TLN1: variants seen among roughly 807,000 people sequenced by gnomAD.
TLN1 encodes talin 1, also known as talin-1.
Under a neutral mutation model 292.3 loss-of-function variants are expected in TLN1, and 56 were observed. The ratio of observed to expected loss-of-function variants is 0.19; its 90% CI spans 0.15 to 0.24. The LOEUF is 0.24. TLN1 is among the 10% of genes least tolerant of loss of function. The probability of loss-of-function intolerance (pLI) is 1.00; values close to 1 mark genes in which losing one functional copy is unlikely to be tolerated. For missense variants in TLN1, 2,433 were observed against 3,248.2 expected (o/e 0.75, Z 6.10); for synonymous variants, 1,119 against 1,253.7 (o/e 0.89, Z 2.27).
chr9:35,721,934 T>C, intron 9 of TLN1, 131 bp from the exon 10 acceptor site: 1 of 1,305,766 alleles, frequency 7.7e-7, no homozygotes, highest in Non-Finnish European at 1.1e-6. Flanking sequence ...AAATGCAGGG[T>C]AGGGAGGGAA....
chr9:35,708,296 T>C (rs1228743248), intron 34 of TLN1, 45 bp downstream of exon 34: 1 of 1,547,828 alleles, frequency 6.5e-7, no homozygotes, highest in African/African-American at 1.4e-5. Context: ...GGGGTCGGTC[T>C]GCCCTTTCCC....
At position 35,699,110 on chromosome 9, in the gene TLN1, A is replaced by C; in HGVS notation, c.6921T>G (p.Asn2307Lys). The change falls in exon 52 of 57, where the codon AAT becomes AAG. Residue 2307 changes from asparagine to lysine, a missense_variant. Transcript: ENST00000314888. The surrounding 1 kb of genome is among the most constrained non-coding windows in gnomAD (Gnocchi z 4.0). ...TGGCGGCTGCAGCTCCCAGGAGCTCATTCTCAGCAATGACTGTGGGGTCCT... is the reference window on the plus strand; with the variant it reads ...TGGCGGCTGCAGCTCCCAGGAGCTCCTTCTCAGCAATGACTGTGGGGTCCT... ...DPEDPTVIAE[N>K]ELLGAAAAIE... The C allele has an allele frequency of 5.0e-6, 8 of 1,613,888 alleles. No homozygotes were observed. The highest frequency in any genetic ancestry group is 6.8e-6 in the Non-Finnish European group (8 of 1,179,890).
intron 1 of TLN1, among the ~76,000 whole-genome samples, chr9:35,730,334 G>C (rs1372057788): frequency 6.6e-6 from 1 of 152,106 alleles, no homozygotes; most frequent in Non-Finnish European, 1.5e-5. Context: ...GTCAGGCTGG[G>C]AGTGAAGTGG....
rs1236762368 is a variant in TLN1 at position 35,722,164 on chromosome 9, T to C, written c.903A>G (p.Leu301=). ...CACCGTAAGTCTTGAGAGAACGGGC[T>C]AGCTTCACGTAGCGGACCTTGGCCT... is the stretch of plus-strand genomic sequence containing the variant. ...EIEAKVRYVK[L]ARSLKTYGVS... Residue 301 remains leucine, a synonymous_variant, in exon 9 of 57, where the codon CTA becomes CTG. Transcript: ENST00000314888. 1.9e-6 allele frequency: 3 copies of C among 1,614,240 alleles called. No individual in the cohort carries two copies. The Admixed American group carries it at 5.0e-5, about 27-fold the overall frequency.
At chr9:35,726,152 T>C (rs1360844486) in intron 1 of TLN1, among the ~76,000 whole-genome samples, 1 of 152,184 alleles carries the variant, frequency 6.6e-6, no homozygotes, top group Non-Finnish European at 1.5e-5. Flanking sequence ...GACCTCGTGA[T>C]CCACCTTGGC....
At position 35,729,389 on chromosome 9, in the gene TLN1, C is replaced by T. The variant is rs542135538; in HGVS notation, c.-34+2686G>A. On this transcript the variant is annotated intron_variant, in intron 1 of 56. Transcript: ENST00000314888. ...GAAGTGAGCAGGCAGGCTGTTGAAG[C>T]ACAGGGGTACCTGCAAGGGAGCAGT... Among the ~76,000 whole-genome samples the T allele has an allele frequency of 1.5e-4, 23 of 152,262 alleles. 1 individual carries two copies. In the South Asian group the frequency reaches 4.8e-3, roughly 32 times the overall value.
rs761589467 is a variant in TLN1, at chr9:35,722,198, C to T, written c.869G>A (p.Ser290Asn). Reference sequence around the variant, plus strand: ...GTAGCGGACCTTGGCCTCAATCTCACTCATCTGCCCACAATTCTTGTGTGC... The same window carrying T: ...GTAGCGGACCTTGGCCTCAATCTCATTCATCTGCCCACAATTCTTGTGTGC... ...FQAHKNCGQM[S>N]EIEAKVRYVK... Residue 290 changes from serine (S) to asparagine (N), a missense_variant, in exon 9 of 57, where the codon AGT (serine) becomes AAT (asparagine). Transcript: ENST00000314888. The T allele has an allele frequency of 1.9e-6, 3 of 1,614,236 alleles. No individual in the cohort carries two copies. In the South Asian group the frequency reaches 3.3e-5, roughly 18 times the overall value.
Position 35,724,333 on chromosome 9 carries a change from C to G in TLN1, c.513G>C (p.Leu171Phe). Residue 171 changes from leucine to phenylalanine, a missense_variant and splice_region_variant, in exon 6 of 57, where the codon TTG becomes TTC. Leu to Phe is a conservative substitution (Grantham distance 22, BLOSUM62 0). Coordinates refer to ENST00000314888, the MANE Select transcript of TLN1 (RefSeq NM_006289.4). The surrounding 1 kb of genome is among the most constrained non-coding windows in gnomAD (Gnocchi z 4.7). ...GTGTCCGACCATGGTCCAGCCAGTT[C>G]ACTGGGATACAGACAGTCCCCTCAG... ...LKQKLHTDDE[L>F]NWLDHGRTLR... is the part of the protein sequence containing the mutation. The G allele has an allele frequency of 6.2e-7, 1 of 1,614,182 alleles. No individual in the cohort carries two copies. Among genetic ancestry groups the G allele is most frequent in the Non-Finnish European group, 8.5e-7 (1 of 1,180,036 alleles).
intron 1 of TLN1, among the ~76,000 whole-genome samples, chr9:35,727,204 C>T (rs1825993567): frequency 6.6e-6 from 1 of 152,076 alleles, no homozygotes; most frequent in Non-Finnish European, 1.5e-5. Context: ...ATACAAGCTG[C>T]CCATTCCCCT....
At chr9:35,700,971 C>T (rs367775495) in intron 48 of TLN1, among the ~76,000 whole-genome samples, 2 of 152,104 alleles carry the variant, frequency 1.3e-5, no homozygotes, top group Non-Finnish European at 2.9e-5. Flanking sequence ...AATAAACAAG[C>T]AGCAAAACTG....
chr9:35,702,719 C>G (rs1473165637), intron 48 of TLN1, among the ~76,000 whole-genome samples: 1 of 151,900 alleles, frequency 6.6e-6, no homozygotes, highest in Admixed American at 6.6e-5. Flanking sequence ...TCTCGAACTC[C>G]CGACCTTGTG....
Position 35,706,900 on chromosome 9 carries a change from C to T in TLN1, c.4956G>A (p.Arg1652=), listed in dbSNP as rs1176386023. Reference sequence around the variant, plus strand: ...ACTCCAGCTGCCCTGGAGCCTTGTCCCTGCAGACACATCATGGGCTCCAAC... The same window carrying T: ...ACTCCAGCTGCCCTGGAGCCTTGTCTCTGCAGACACATCATGGGCTCCAAC... ...DSIKKLITSM[R]DKAPGQLECE... is the part of the protein sequence containing the mutation. Residue 1652 remains arginine, a splice_region_variant and synonymous_variant, in exon 38 of 57, where the codon AGG becomes AGA. Coordinates refer to ENST00000314888, the MANE Select transcript of TLN1 (RefSeq NM_006289.4). This position sits in a 1 kb window ranked among gnomAD's most constrained non-coding sequence, Gnocchi z 4.2. The T allele has an allele frequency of 6.2e-6, 10 of 1,613,696 alleles. No individual in the cohort carries two copies. Among genetic ancestry groups the T allele is most frequent in the African/African-American group, 1.3e-5 (1 of 74,886 alleles).
At position 35,705,944 on chromosome 9, in the gene TLN1, G is replaced by A; in HGVS notation, c.5511+18C>T. ...CCCAGGGTAGCCTCAGTGTCCAAAG[G>A]CACCCCAAGACTCTAACCTGGTTGA... On this transcript the variant is annotated intron_variant, in intron 41 of 56. Coordinates refer to ENST00000314888, the MANE Select transcript of TLN1 (RefSeq NM_006289.4). The A allele has an allele frequency of 1.2e-6, 2 of 1,614,086 alleles. No homozygotes were observed. Among genetic ancestry groups the A allele is most frequent in the South Asian group, 2.2e-5 (2 of 91,072 alleles).
rs781194388 is a variant in TLN1, at chr9:35,700,299, C to T, written c.6552G>A (p.Met2184Ile). The change falls in exon 49 of 57, where the codon ATG becomes ATA. Residue 2184 changes from methionine to isoleucine, a missense_variant. Coordinates refer to ENST00000314888, the MANE Select transcript of TLN1 (RefSeq NM_006289.4). ...DFIRMTKGIT[M>I]ATAKAVAAGN... is the part of the protein sequence containing the mutation. The stretch of plus-strand genomic sequence containing the variant: ...CAGCAGCAACGGCCTTGGCGGTTGC[C>T]ATGGTGATACCCTTGGTCATTCGGA... The T allele has an allele frequency of 1.9e-6, 3 of 1,613,640 alleles. No homozygotes were observed. Among genetic ancestry groups the T allele is most frequent in the Non-Finnish European group, 2.5e-6 (3 of 1,179,600 alleles).
At position 35,717,702 on chromosome 9, in the gene TLN1, C is replaced by G. The variant is rs2131899686; in HGVS notation, c.2080G>C (p.Glu694Gln). 6.2e-7 allele frequency: 1 copy of G among 1,614,098 alleles called. No individual in the cohort carries two copies. Among genetic ancestry groups the G allele is most frequent in the East Asian group, 2.2e-5 (1 of 44,888 alleles). The change falls in exon 18 of 57, where the codon GAG becomes CAG. Residue 694 changes from glutamate to glutamine, a missense_variant. Physicochemically the swap from Glu to Gln is conservative, Grantham distance 29 (BLOSUM62 2). This residue lies in a region of TLN1 where 617 missense variants were observed against 770.6 expected (regional missense o/e 0.80). Coordinates refer to ENST00000314888, the MANE Select transcript of TLN1 (RefSeq NM_006289.4). The surrounding 1 kb of genome is among the most constrained non-coding windows in gnomAD (Gnocchi z 4.7). ...LKAKSVAQRT[E>Q]DSGLQTQVIA... ...ACTTGGGTCTGAAGTCCCGAGTCCT[C>G]TGTCCGCTGGGCCACACTCTTGGCC...
At position 35,719,476 on chromosome 9, in the gene TLN1, C is replaced by T; in HGVS notation, c.1687+43G>A. The T allele has an allele frequency of 1.9e-6, 3 of 1,556,194 alleles. No homozygotes were observed. Among genetic ancestry groups the T allele is most frequent in the South Asian group, 2.2e-5 (2 of 89,864 alleles). ...CATGCATGCCTGTGCACACTTGCAC[C>T]CCCTCTCCCCATCACACACCCGGAA... On this transcript the variant is annotated intron_variant, in intron 15 of 56. Coordinates refer to ENST00000314888, the MANE Select transcript of TLN1 (RefSeq NM_006289.4). The surrounding 1 kb of genome is among the most constrained non-coding windows in gnomAD (Gnocchi z 4.6).
rs150744632 is a variant in TLN1, at chr9:35,720,830, G to A, written c.1188C>T (p.Ile396=). Residue 396 remains isoleucine (I), a synonymous_variant, in exon 11 of 57, where the codon ATC becomes ATT. Transcript: ENST00000314888. Reference sequence around the variant, plus strand: ...TGCTCACCTTCTTCAGGATGATATCGATGTAGCCGGCAATGAGCTGTGCAA... The same window carrying A: ...TGCTCACCTTCTTCAGGATGATATCAATGTAGCCGGCAATGAGCTGTGCAA... ...EQIAQLIAGY[I]DIILKKKKSK... 1,226 of 1,613,916 alleles carry A rather than the reference G, an allele frequency of 7.6e-4. 2 individuals are homozygous for A. Among genetic ancestry groups the A allele is most frequent in the Non-Finnish European group, 9.6e-4 (1,138 of 1,179,976 alleles).
chr9:35,731,093 T>C (rs1826070445), intron 1 of TLN1, among the ~76,000 whole-genome samples: 1 of 152,162 alleles, frequency 6.6e-6, no homozygotes, highest in Non-Finnish European at 1.5e-5. Flanking sequence ...CCTGCAATTC[T>C]AGCTAAAGCC....
rs1016345540 is a variant in TLN1 at position 35,711,860 on chromosome 9, G to C, written c.3682-68C>G. ...ATGCAGGGAGAAGTCTGGTAAAGGA[G>C]GGCTGAAAAGGTGGGCACATAGCCT... On this transcript the variant is annotated intron_variant, in intron 28 of 56. Transcript: ENST00000314888. The C allele has an allele frequency of 2.5e-5, 40 of 1,604,864 alleles. No homozygotes were observed. The African/African-American group carries it at 5.2e-4, about 21-fold the overall frequency.
Sources: allele counts gnomAD v4.1 joint callset (sites outside exome capture counted in the v4.1 genomes callset), GRCh38; gene constraint gnomAD v4.1.1; regional missense constraint gnomAD v4.1.1; non-coding constraint Gnocchi (gnomAD v3.1); transcripts MANE v1.5; gene names NCBI Gene and HGNC (gene_info 2026-07-23, HGNC 2026-07-21).